Variants in ADSL observed in about 807,000 individuals in gnomAD.
ADSL encodes adenylosuccinate lyase.
A neutral mutation model predicts 62.1 loss-of-function variants in ADSL; 44 were observed. That is an observed-to-expected ratio of 0.71 (90% CI 0.56 to 0.91). ADSL has a LOEUF of 0.91. Ranked by LOEUF, ADSL falls within the 40% of genes least tolerant of loss-of-function variation. ADSL has a pLI of 0.00. For missense variants in ADSL, 531 were observed against 627.4 expected (o/e 0.85, Z 1.64); for synonymous variants, 198 against 220.5 (o/e 0.90, Z 0.90).
At chr22:40,362,282 C>G (rs1056663175) in intron 9 of ADSL, among the ~76,000 whole-genome samples, 1 of 152,166 alleles carries the variant, frequency 6.6e-6, no homozygotes, top group African/African-American at 2.4e-5. Flanking sequence ...TGAGTGGATA[C>G]GGATGTATAG....
At chr22:40,381,157 CT>C (rs950258395) in intron 2 of ADSL, among the ~76,000 whole-genome samples, 2 of 149,928 alleles carry the variant, frequency 1.3e-5, no homozygotes, top group Non-Finnish European at 3.0e-5. Context: ...TTTTCTTTTT[CT>C]TTTTTTTGAG....
intron 12 of ADSL, among the ~76,000 whole-genome samples, chr22:40,365,898 C>G (rs1171912654): frequency 6.6e-6 from 1 of 151,778 alleles, no homozygotes; most frequent in African/African-American, 2.4e-5. Flanking sequence ...ATAGATAATC[C>G]TCATCTTCAG....
intron 4 of ADSL, among the ~76,000 whole-genome samples, chr22:40,355,608 A>C (rs2044524281): frequency 6.6e-6 from 1 of 152,172 alleles, no homozygotes; most frequent in African/African-American, 2.4e-5. Flanking sequence ...TCATTTACCC[A>C]ATTGTCAACA....
intron 5 of ADSL, 27 bp downstream of exon 5, chr22:40,359,062 C>G (rs773973357): frequency 1.2e-6 from 2 of 1,613,372 alleles, no homozygotes; most frequent in South Asian, 2.2e-5. Flanking sequence ...CTGCAGGACA[C>G]AGAAACTCAA....
chr22:40,357,782 T>C (rs1425947313), intron 4 of ADSL, among the ~76,000 whole-genome samples: 2 of 152,212 alleles, frequency 1.3e-5, no homozygotes, highest in Non-Finnish European at 2.9e-5. Flanking sequence ...TTTCTTTTTT[T>C]TCATTTGTTT....
intron 2 of ADSL, among the ~76,000 whole-genome samples, chr22:40,383,854 G>A (rs2047986997): frequency 6.6e-6 from 1 of 152,202 alleles, no homozygotes; most frequent in Non-Finnish European, 1.5e-5. Flanking sequence ...AAAAGTGGCA[G>A]GGAGGGTCTG....
chr22:40,384,307 G>A (rs1042658488), intron 2 of ADSL, among the ~76,000 whole-genome samples: 2 of 152,076 alleles, frequency 1.3e-5, no homozygotes, highest in African/African-American at 2.4e-5. Context: ...GGATCTGAAT[G>A]TCTTGGGAGA....
chr22:40,349,982 G>A lies in ADSL; in HGVS notation c.304G>A (p.Ala102Thr). Residue 102 changes from alanine (A) to threonine (T), a missense_variant, in exon 2 of 13, where the codon GCT (alanine) becomes ACT (threonine). By Grantham distance (58) the Ala-to-Thr change is moderately conservative. This residue lies in a region of ADSL where 471 missense variants were observed against 592.9 expected (regional missense o/e 0.79). Transcript: ENST00000623063. ...VHTFGHCCPK[A>T]AGIIHLGATS... ...CACATTTGGCCACTGCTGTCCAAAA[G>A]CTGCAGGCATTATTCACCTTGGTGC... is the stretch of plus-strand genomic sequence containing the variant. The A allele has an allele frequency of 6.2e-7, 1 of 1,614,130 alleles. No individual in the cohort carries two copies. Among genetic ancestry groups the A allele is most frequent in the Non-Finnish European group, 8.5e-7 (1 of 1,179,992 alleles).
intron 2 of ADSL, among the ~76,000 whole-genome samples, chr22:40,384,648 C>T (rs2048141670): frequency 1.3e-5 from 2 of 152,008 alleles, no homozygotes; most frequent in African/African-American, 2.4e-5. Context: ...GGCATGGTGG[C>T]GGGCGCCTGT....
At chr22:40,352,399 G>T (rs1055623811) in intron 2 of ADSL, among the ~76,000 whole-genome samples, 1 of 152,112 alleles carries the variant, frequency 6.6e-6, no homozygotes, top group Non-Finnish European at 1.5e-5. Flanking sequence ...GTGGTGGCGG[G>T]TGCCTGTAGT....
intron 4 of ADSL, among the ~76,000 whole-genome samples, chr22:40,355,812 C>T (rs953018225): frequency 3.3e-5 from 5 of 152,220 alleles, no homozygotes; most frequent in Middle Eastern, 3.4e-3. Flanking sequence ...CCTAGTGTTA[C>T]GCCTTGATGT....
chr22:40,353,427 G>A (rs1012620211), intron 3 of ADSL: 4 of 701,986 alleles, frequency 5.7e-6, no homozygotes, highest in East Asian at 2.7e-5. Flanking sequence ...CAAGTAGGTG[G>A]GAGTACAGGT....
At chr22:40,360,536 A>G (rs1164814382) in intron 7 of ADSL, 44 bp downstream of exon 7, 10 of 1,383,310 alleles carry the variant, frequency 7.2e-6, no homozygotes, top group Non-Finnish European at 1.0e-5. Context: ...AGCTTTGGGC[A>G]CCACAGACAG....
rs369553804 is a variant in ADSL at position 40,346,728 on chromosome 22, T to C, written c.153+17T>C. Reference sequence around the variant, plus strand: ...GCCGAGCAGGTAACGGATCCCGGGCTGAGGGGCTGGGCCGGGAGGGACGGG... The same window carrying C: ...GCCGAGCAGGTAACGGATCCCGGGCCGAGGGGCTGGGCCGGGAGGGACGGG... On this transcript the variant is annotated intron_variant, in intron 1 of 12. Transcript: ENST00000623063. 2.8e-5 allele frequency: 44 copies of C among 1,593,392 alleles called. 1 individual carries two copies. The highest frequency in any genetic ancestry group is 3.4e-5 in the South Asian group (3 of 88,936).
chr22:40,353,388 G>A lies in ADSL; in HGVS notation c.402+271G>A, dbSNP rs143685749. ...GCTTATTGCAACCTCCGCCTCCCAG[G>A]CTCAGACAGCTCTCCTGTCTCAGTC... On this transcript the variant is annotated intron_variant, in intron 3 of 12. Coordinates refer to ENST00000623063, the MANE Select transcript of ADSL (RefSeq NM_000026.4). The A allele has an allele frequency of 4.9e-4, 346 of 702,348 alleles. 1 individual carries two copies. Among genetic ancestry groups the A allele is most frequent in the African/African-American group, 4.9e-3 (280 of 57,286 alleles). 43.5% of individuals were successfully genotyped at this position (702,348 alleles called of 1,614,324 possible). A position where few individuals can be genotyped will look rare whatever the true frequency, so the allele number is the denominator to read the frequency against.
chr22:40,348,801 T>G (rs906724010), intron 1 of ADSL: 2 of 387,776 alleles, frequency 5.2e-6, no homozygotes, highest in Non-Finnish European at 9.1e-6. Flanking sequence ...AGTCACTGTT[T>G]GCAAGTTTCA....
intron 2 of ADSL, among the ~76,000 whole-genome samples, chr22:40,350,637 G>A (rs1240501112): frequency 1.3e-5 from 2 of 149,936 alleles, no homozygotes; most frequent in African/African-American, 4.9e-5. Context: ...TTTTTTCTTT[G>A]AGATGGAGTC....
chr22:40,360,513 G>A (rs371284768), intron 7 of ADSL, 21 bp downstream of exon 7: 2 of 1,594,138 alleles, frequency 1.3e-6, no homozygotes, highest in African/African-American at 2.7e-5. Flanking sequence ...GCAGCATGTG[G>A]GGTGGGGACA....
chr22:40,361,495 T>C lies in ADSL; in HGVS notation c.870T>C (p.Ser290=), dbSNP rs146890981. The C allele has an allele frequency of 3.1e-6, 5 of 1,614,104 alleles. No individual in the cohort carries two copies. The African/African-American group carries it at 5.3e-5, about 17-fold the overall frequency. Reference sequence around the variant, plus strand: ...CTTTTTTTACATGGGCAGGCTCAAGTGCGATGCCATATAAGCGGAATCCCA... The same window carrying C: ...CTTTTTTTACATGGGCAGGCTCAAGCGCGATGCCATATAAGCGGAATCCCA... ...EPFEKQQIGS[S]AMPYKRNPMR... The change falls in exon 9 of 13, where the codon AGT becomes AGC. Residue 290 remains serine, a synonymous_variant. Coordinates refer to ENST00000623063, the MANE Select transcript of ADSL (RefSeq NM_000026.4).
Sources: allele counts gnomAD v4.1 joint callset (sites outside exome capture counted in the v4.1 genomes callset), GRCh38; gene constraint gnomAD v4.1.1; regional missense constraint gnomAD v4.1.1; transcripts MANE v1.5; gene names NCBI Gene and HGNC (gene_info 2026-07-23, HGNC 2026-07-21).